Variants in DSCAM observed in about 807,000 individuals in gnomAD.
DSCAM encodes the protein DS cell adhesion molecule.
Under a neutral mutation model 217.7 loss-of-function variants are expected in DSCAM, and 47 were observed. That is an observed-to-expected ratio of 0.22 (90% CI 0.17 to 0.28). DSCAM has a LOEUF of 0.28. DSCAM is among the 10% of genes least tolerant of loss of function. The probability of loss-of-function intolerance (pLI) is 1.00; values close to 1 mark genes in which losing one functional copy is unlikely to be tolerated. For synonymous variants in DSCAM, 1,056 were observed against 1,015.3 expected, an observed-to-expected ratio of 1.04 and a Z score of -0.76; for missense variants, 2,080 against 2,618.3, an observed-to-expected ratio of 0.79 and a Z score of 4.49.
At chr21:40,062,738 T>C in intron 28 of DSCAM, 131 bp downstream of exon 28, 1 of 812,366 alleles carries the variant, frequency 1.2e-6, no homozygotes, top group Non-Finnish European at 1.8e-6. Flanking sequence ...TATAGGAAAT[T>C]ACAGTTTTTT....
intron 29 of DSCAM, among the ~76,000 whole-genome samples, chr21:40,054,800 G>T (rs769942297): frequency 3.5e-4 from 54 of 152,316 alleles, no homozygotes; most frequent in African/African-American, 1.2e-3. Flanking sequence ...GTGTGGCCAG[G>T]TGGGGAACCT....
chr21:40,054,391 C>T (rs1186896846), intron 29 of DSCAM, among the ~76,000 whole-genome samples: 1 of 152,174 alleles, frequency 6.6e-6, no homozygotes, highest in Admixed American at 6.5e-5. Flanking sequence ...CCAGGAGAAC[C>T]CAGGCCTTAG....
intron 11 of DSCAM, among the ~76,000 whole-genome samples, chr21:40,250,997 G>GA (rs2073296360): frequency 6.6e-6 from 1 of 152,222 alleles, no homozygotes; most frequent in Admixed American, 6.5e-5. Context: ...CTGATATCCT[G>GA]AAAAGGGAGT....
chr21:40,019,141 C>T (rs867480254), intron 32 of DSCAM, among the ~76,000 whole-genome samples: 13 of 152,332 alleles, frequency 8.5e-5, no homozygotes, highest in Middle Eastern at 3.4e-3. Flanking sequence ...CTCTGAGGAC[C>T]TGGATTCTCT....
intron 3 of DSCAM, among the ~76,000 whole-genome samples, chr21:40,547,635 C>T (rs2076594225): frequency 1.3e-5 from 2 of 152,066 alleles, no homozygotes; most frequent in African/African-American, 2.4e-5. Context: ...GTTTCCTGCA[C>T]AAGTACAAAG....
chr21:40,483,404 C>A (rs552473889), intron 3 of DSCAM, among the ~76,000 whole-genome samples: 5 of 152,048 alleles, frequency 3.3e-5, no homozygotes, highest in African/African-American at 1.2e-4. Flanking sequence ...TCAACTTAAA[C>A]GGGCAATATA....
intron 11 of DSCAM, among the ~76,000 whole-genome samples, chr21:40,196,663 T>A (rs149762291): frequency 2.6e-5 from 4 of 152,158 alleles, no homozygotes; most frequent in African/African-American, 9.6e-5. Flanking sequence ...CCTTCTTCAC[T>A]TTCCCCTCTC....
In DSCAM at chr21:40,687,536, G is replaced by A. The variant is rs562488163; in HGVS notation, c.508+5274C>T. ...CACAGCATGACCCTCAGGTCCCCCCGACAGCTGTGCTAGCTCTCCCTCCCT... is the reference window on the plus strand; with the variant it reads ...CACAGCATGACCCTCAGGTCCCCCCAACAGCTGTGCTAGCTCTCCCTCCCT... On this transcript the variant is annotated intron_variant, in intron 3 of 32. Transcript: ENST00000400454. Among the ~76,000 whole-genome samples the A allele has an allele frequency of 6.6e-5, 10 of 152,050 alleles. No individual in the cohort carries two copies. In the South Asian group the frequency reaches 1.2e-3, roughly 19 times the overall value.
intron 3 of DSCAM, among the ~76,000 whole-genome samples, chr21:40,556,794 T>C (rs2076675615): frequency 6.6e-6 from 1 of 152,188 alleles, no homozygotes; most frequent in African/African-American, 2.4e-5. Flanking sequence ...TACCTCCTAC[T>C]AGGCCCCACC....
chr21:40,616,975 C>T (rs1370865339), intron 3 of DSCAM, among the ~76,000 whole-genome samples: 1 of 141,670 alleles, frequency 7.1e-6, no homozygotes, highest in Non-Finnish European at 1.5e-5. Flanking sequence ...CGAGATCCCG[C>T]CACTGCACTC....
intron 11 of DSCAM, among the ~76,000 whole-genome samples, chr21:40,250,722 G>A (rs1422662008): frequency 6.6e-6 from 1 of 152,200 alleles, no homozygotes; most frequent in African/African-American, 2.4e-5. Flanking sequence ...CGGGGCTGAC[G>A]TTCCCAACCT....
At chr21:40,702,905 T>C (rs2090672793) in intron 2 of DSCAM, among the ~76,000 whole-genome samples, 1 of 152,210 alleles carries the variant, frequency 6.6e-6, no homozygotes, top group African/African-American at 2.4e-5. Flanking sequence ...TACACTCCCA[T>C]GTCTTCACTG....
chr21:40,457,511 C>CA (rs954483631), intron 3 of DSCAM, among the ~76,000 whole-genome samples: 4 of 147,228 alleles, frequency 2.7e-5, no homozygotes, highest in East Asian at 2.0e-4. Flanking sequence ...GACCCTGTCT[C>CA]AAAAAAAATA....
Position 40,381,062 on chromosome 21 carries a change from C to CAAAAAAAA in DSCAM, c.509-11825_509-11818dup, listed in dbSNP as rs71186932. On this transcript the variant is annotated intron_variant, in intron 3 of 32. Coordinates refer to ENST00000400454, the MANE Select transcript of DSCAM (RefSeq NM_001389.5). ...TGGGCGACAGAGCGAGACTCCGTCT[C>CAAAAAAAA]AAAAAAAAAAAAAAAAAAAAAAGAA... 4.8e-4 allele frequency among the ~76,000 whole-genome samples: 32 copies of CAAAAAAAA among 66,142 alleles called. 1 individual carries two copies. The highest frequency in any genetic ancestry group is 1.8e-3 in the East Asian group (3 of 1,686). 43.4% of individuals were successfully genotyped at this position (66,142 alleles called of 152,430 possible). A position where few individuals can be genotyped will look rare whatever the true frequency, so the allele number is the denominator to read the frequency against.
intron 3 of DSCAM, among the ~76,000 whole-genome samples, chr21:40,485,921 T>C (rs1227138728): frequency 6.6e-6 from 1 of 152,236 alleles, no homozygotes; most frequent in Non-Finnish European, 1.5e-5. Context: ...ACCATTACTT[T>C]TATTAAATGT....
intron 11 of DSCAM, among the ~76,000 whole-genome samples, chr21:40,219,122 T>C (rs540544048): frequency 6.6e-6 from 1 of 152,236 alleles, no homozygotes; most frequent in South Asian, 2.1e-4. Context: ...TTGTCATATA[T>C]AGCTCTTATT....
intron 9 of DSCAM, among the ~76,000 whole-genome samples, chr21:40,301,242 G>C (rs538379021): frequency 1.3e-5 from 2 of 152,260 alleles, no homozygotes; most frequent in South Asian, 4.1e-4. Context: ...GACACAAATT[G>C]GATGATGTGA....
At chr21:40,062,686 A>C (rs2089141212) in intron 28 of DSCAM, among the ~76,000 whole-genome samples, 183 bp downstream of exon 28, 3 of 152,208 alleles carry the variant, frequency 2.0e-5, no homozygotes, top group African/African-American at 7.2e-5. Context: ...CATCATTTTC[A>C]TCTACACCTT....
At chr21:40,050,393 C>T (rs1461840554) in intron 30 of DSCAM, among the ~76,000 whole-genome samples, 1 of 152,208 alleles carries the variant, frequency 6.6e-6, no homozygotes, top group Non-Finnish European at 1.5e-5. Flanking sequence ...GGCTCTTAAA[C>T]CCATTGGAGC....
Sources: allele counts gnomAD v4.1 joint callset (sites outside exome capture counted in the v4.1 genomes callset), GRCh38; gene constraint gnomAD v4.1.1; transcripts MANE v1.5; gene names NCBI Gene and HGNC (gene_info 2026-07-23, HGNC 2026-07-21).